The following CCDC102B variants were observed in gnomAD, a reference collection of about 807,000 sequenced individuals.
The protein encoded by CCDC102B is coiled-coil domain-containing protein 102B.
Under a neutral mutation model 57.4 loss-of-function variants are expected in CCDC102B, and 75 were observed. The observed-to-expected ratio is 1.31, with a 90% confidence interval of 1.08 to 1.58. The LOEUF (loss-of-function observed/expected upper bound fraction) is 1.58, where lower values mean the gene tolerates loss of function less well. Ranked by LOEUF, CCDC102B falls within the 40% of genes most tolerant of loss-of-function variation. The probability of loss-of-function intolerance (pLI) is 0.00; values close to 1 mark genes in which losing one functional copy is unlikely to be tolerated. For synonymous variants in CCDC102B, 206 were observed against 201.9 expected (o/e 1.02, Z -0.17); for missense variants, 636 against 582.6 (o/e 1.09, Z -0.94).
At chr18:68,787,595 G>T (rs1381125354) in intron 2 of CCDC102B, among the ~76,000 whole-genome samples, 5 of 151,424 alleles carry the variant, frequency 3.3e-5, no homozygotes, top group African/African-American at 4.9e-5. Flanking sequence ...ATTTCTTCTA[G>T]ATTTTCTAGT....
At chr18:68,781,756 G>T (rs1057035935) in intron 2 of CCDC102B, among the ~76,000 whole-genome samples, 9 of 152,060 alleles carry the variant, frequency 5.9e-5, no homozygotes, top group African/African-American at 1.9e-4. Flanking sequence ...ATAATGATTT[G>T]TGGAATAAAT....
intron 6 of CCDC102B, among the ~76,000 whole-genome samples, chr18:68,943,422 C>T (rs2049441969): frequency 6.6e-6 from 1 of 152,006 alleles, no homozygotes; most frequent in African/African-American, 2.4e-5. Context: ...TGGTACTTTT[C>T]TAGGCTTTAT....
chr18:68,931,665 T>C (rs2041677513), intron 6 of CCDC102B, among the ~76,000 whole-genome samples: 1 of 151,438 alleles, frequency 6.6e-6, no homozygotes, highest in African/African-American at 2.4e-5. Context: ...GTCAGGGGAG[T>C]GTTGAGAAAC....
intron 2 of CCDC102B, among the ~76,000 whole-genome samples, chr18:68,767,496 G>A (rs1340743578): frequency 6.6e-6 from 1 of 152,192 alleles, no homozygotes; most frequent in Non-Finnish European, 1.5e-5. Context: ...ATAAATGCTT[G>A]TTGTTTAAGC....
chr18:68,733,758 A>G (rs2033003341), intron 2 of CCDC102B, among the ~76,000 whole-genome samples: 1 of 152,016 alleles, frequency 6.6e-6, no homozygotes, highest in Non-Finnish European at 1.5e-5. Flanking sequence ...AACGATTAAA[A>G]ATTTTTTACA....
At chr18:68,894,844 G>A (rs1302018493) in intron 5 of CCDC102B, among the ~76,000 whole-genome samples, 2 of 151,662 alleles carry the variant, frequency 1.3e-5, no homozygotes, top group African/African-American at 4.8e-5. Flanking sequence ...AATCTTAAGA[G>A]TTAAAATTTA....
At chr18:69,011,158 G>A in intron 7 of CCDC102B, 54 bp downstream of exon 7, 8 of 1,419,034 alleles carry the variant, frequency 5.6e-6, no homozygotes, top group Non-Finnish European at 5.8e-6. Context: ...GTATTTTAGA[G>A]CATATCTAAA....
chr18:68,747,421 T>C (rs1288980850), intron 2 of CCDC102B, among the ~76,000 whole-genome samples: 1 of 152,128 alleles, frequency 6.6e-6, no homozygotes, highest in East Asian at 1.9e-4. Flanking sequence ...AAGTGCATAA[T>C]ATAGTATTGT....
At chr18:68,958,182 G>T (rs557977029) in intron 6 of CCDC102B, among the ~76,000 whole-genome samples, 1 of 152,098 alleles carries the variant, frequency 6.6e-6, no homozygotes, top group Non-Finnish European at 1.5e-5. Context: ...TGGTGATTCA[G>T]TTACCTCCTA....
At chr18:68,967,534 A>G (rs775953017) in intron 6 of CCDC102B, among the ~76,000 whole-genome samples, 1 of 152,330 alleles carries the variant, frequency 6.6e-6, no homozygotes, top group Non-Finnish European at 1.5e-5. Context: ...ACAGTTTTAC[A>G]TAAATTGTTT....
At chr18:68,886,531 T>G (rs1338451673) in intron 5 of CCDC102B, among the ~76,000 whole-genome samples, 2 of 152,112 alleles carry the variant, frequency 1.3e-5, no homozygotes, top group African/African-American at 4.8e-5. Flanking sequence ...AAACCTAAAT[T>G]CTTTTTTAGG....
intron 6 of CCDC102B, among the ~76,000 whole-genome samples, chr18:68,919,486 G>C (rs1282232055): frequency 1.3e-5 from 2 of 152,054 alleles, no homozygotes; most frequent in Non-Finnish European, 2.9e-5. Flanking sequence ...TTACAATTTT[G>C]TTGGAAATTC....
At chr18:68,839,532 A>G (rs1161424385) in intron 3 of CCDC102B, among the ~76,000 whole-genome samples, 1 of 152,148 alleles carries the variant, frequency 6.6e-6, no homozygotes. Context: ...AAAACATATC[A>G]ACAGCAACCA....
At position 68,830,721 on chromosome 18, in the gene CCDC102B, T is replaced by G. The variant is rs1271085867; in HGVS notation, c.-15-6028T>G. 2.7e-5 allele frequency among the ~76,000 whole-genome samples: 4 copies of G among 146,560 alleles called. No homozygotes were observed. In the East Asian group the frequency reaches 6.1e-4, roughly 22 times the overall value. ...ACATAATCTCTTTAAGTCTCAAAAT[T>G]TGTACACTGGTGAGAAATTTCAGCA... On this transcript the variant is annotated intron_variant, in intron 1 of 7. Transcript: ENST00000360242.
chr18:68,943,416 A>T (rs971727526), intron 6 of CCDC102B, among the ~76,000 whole-genome samples: 1 of 152,092 alleles, frequency 6.6e-6, no homozygotes, highest in African/African-American at 2.4e-5. Flanking sequence ...CTATTATGGT[A>T]CTTTTCTAGG....
intron 7 of CCDC102B, among the ~76,000 whole-genome samples, chr18:69,051,638 A>G (rs1374297680): frequency 2.6e-5 from 4 of 151,986 alleles, no homozygotes; most frequent in Non-Finnish European, 5.9e-5. Flanking sequence ...TTTATAATGA[A>G]AGCTATAGTA....
chr18:68,902,318 A>C (rs2040483856), intron 6 of CCDC102B: 3 of 152,192 alleles, frequency 2.0e-5, no homozygotes, highest in Non-Finnish European at 4.4e-5. Flanking sequence ...TGAGATGATC[A>C]AGCTCATGTT....
At chr18:68,872,806 C>T (rs1009881096) in intron 4 of CCDC102B, among the ~76,000 whole-genome samples, 2 of 152,064 alleles carry the variant, frequency 1.3e-5, no homozygotes, top group Admixed American at 6.6e-5. Flanking sequence ...ATGTTCTTCA[C>T]ATGCCCAGAG....
At chr18:68,903,855 A>G (rs918629618) in intron 6 of CCDC102B, among the ~76,000 whole-genome samples, 1 of 152,174 alleles carries the variant, frequency 6.6e-6, no homozygotes, top group African/African-American at 2.4e-5. Flanking sequence ...AAACTGATGA[A>G]TTCATCTAAA....
Sources: allele counts gnomAD v4.1 joint callset (sites outside exome capture counted in the v4.1 genomes callset), GRCh38; gene constraint gnomAD v4.1.1; transcripts MANE v1.5; gene names NCBI Gene and HGNC (gene_info 2026-07-23, HGNC 2026-07-21).